Variants in IGF1 observed in about 807,000 individuals in gnomAD.
IGF1 encodes the protein insulin like growth factor 1.
A neutral mutation model predicts 13.8 loss-of-function variants in IGF1; 4 were observed. That is an observed-to-expected ratio of 0.29 (90% CI 0.14 to 0.66). The LOEUF is 0.66. Ranked by LOEUF, IGF1 falls within the 30% of genes least tolerant of loss-of-function variation. The pLI, the probability that IGF1 is intolerant of heterozygous loss-of-function variation, is 0.78. For missense variants in IGF1, 124 were observed against 188.5 expected (o/e 0.66, Z 2.00); for synonymous variants, 76 against 72.6 (o/e 1.05, Z -0.23).
At chr12:102,405,883 T>C (rs180921239) in intron 3 of IGF1, among the ~76,000 whole-genome samples, 34 of 152,370 alleles carry the variant, frequency 2.2e-4, no homozygotes, top group Admixed American at 2.0e-3. Flanking sequence ...TGAGGTTAGA[T>C]TGACCAACCA....
intron 2 of IGF1, among the ~76,000 whole-genome samples, chr12:102,425,942 G>A (rs1260201238): frequency 1.3e-5 from 2 of 152,172 alleles, no homozygotes; most frequent in Admixed American, 1.3e-4. Flanking sequence ...GAAAAATATT[G>A]TCCTAAGGGA....
chr12:102,420,941 A>T (rs1381555413), intron 2 of IGF1, among the ~76,000 whole-genome samples: 1 of 152,212 alleles, frequency 6.6e-6, no homozygotes, highest in Non-Finnish European at 1.5e-5. Context: ...TTCTGTAATA[A>T]TGACACCATT....
At chr12:102,417,394 AT>A (rs1233537643) in intron 3 of IGF1, 1 of 304,524 alleles carries the variant, frequency 3.3e-6, no homozygotes, top group African/African-American at 2.3e-5. Flanking sequence ...CTTGCTGAGC[AT>A]TTGGGGCTAA....
chr12:102,431,848 C>T (rs1876769251), intron 2 of IGF1, among the ~76,000 whole-genome samples: 1 of 152,052 alleles, frequency 6.6e-6, no homozygotes, highest in African/African-American at 2.4e-5. Flanking sequence ...TGGCTTTTTC[C>T]CTTGAGAGAG....
At chr12:102,415,074 A>G (rs149710089) in intron 3 of IGF1, among the ~76,000 whole-genome samples, 1 of 152,358 alleles carries the variant, frequency 6.6e-6, no homozygotes, top group East Asian at 1.9e-4. Flanking sequence ...GAAATTCCAA[A>G]CATACAATAC....
intron 3 of IGF1, among the ~76,000 whole-genome samples, chr12:102,408,902 A>G (rs1269530663): frequency 6.6e-6 from 1 of 152,102 alleles, no homozygotes; most frequent in African/African-American, 2.4e-5. Context: ...GGCTTTGCCT[A>G]TCCTCCCCTA....
chr12:102,470,663 C>T (rs1880631359), intron 2 of IGF1, among the ~76,000 whole-genome samples: 1 of 152,142 alleles, frequency 6.6e-6, no homozygotes, highest in Admixed American at 6.5e-5. Context: ...CCAGCTGTCA[C>T]ACAGATGCAT....
intron 2 of IGF1, among the ~76,000 whole-genome samples, chr12:102,433,152 T>A (rs1876891043): frequency 6.6e-6 from 1 of 152,212 alleles, no homozygotes; most frequent in African/African-American, 2.4e-5. Flanking sequence ...CCTGACAATC[T>A]GCCTTCTCAT....
chr12:102,466,392 G>T (rs1434939839), intron 2 of IGF1, among the ~76,000 whole-genome samples: 1 of 152,158 alleles, frequency 6.6e-6, no homozygotes, highest in African/African-American at 2.4e-5. Context: ...GGCAATGTCT[G>T]CAAACATTCT....
At chr12:102,447,077 G>A (rs1878413239) in intron 2 of IGF1, among the ~76,000 whole-genome samples, 1 of 152,184 alleles carries the variant, frequency 6.6e-6, no homozygotes, top group South Asian at 2.1e-4. Context: ...TGATTGCACT[G>A]TGGTTGGAGA....
intron 2 of IGF1, among the ~76,000 whole-genome samples, chr12:102,462,402 C>G (rs1350768523): frequency 6.6e-6 from 1 of 152,172 alleles, no homozygotes; most frequent in Non-Finnish European, 1.5e-5. Flanking sequence ...CTTTAAAACA[C>G]TAAGTGGCCA....
chr12:102,410,856 G>A (rs921121776), intron 3 of IGF1, among the ~76,000 whole-genome samples: 1 of 152,144 alleles, frequency 6.6e-6, no homozygotes, highest in Non-Finnish European at 1.5e-5. Flanking sequence ...GAACTTTTAG[G>A]ATGAACAAAA....
intron 2 of IGF1, among the ~76,000 whole-genome samples, chr12:102,436,889 C>G (rs569492763): frequency 6.6e-6 from 1 of 152,272 alleles, no homozygotes; most frequent in East Asian, 1.9e-4. Flanking sequence ...GTGTATGAGG[C>G]TTTCATAGCT....
At chr12:102,411,070 C>G (rs545475745) in intron 3 of IGF1, among the ~76,000 whole-genome samples, 97 of 152,284 alleles carry the variant, frequency 6.4e-4, no homozygotes, top group Non-Finnish European at 1.1e-3. Context: ...TCCTAGTGTT[C>G]TTTTGAAGAA....
At chr12:102,448,432 C>T (rs991030827) in intron 2 of IGF1, among the ~76,000 whole-genome samples, 5 of 146,224 alleles carry the variant, frequency 3.4e-5, no homozygotes, top group Non-Finnish European at 4.5e-5. Flanking sequence ...AGTAAACTAT[C>T]GCAAGAACAA....
At chr12:102,453,243 T>C (rs1879115776) in intron 2 of IGF1, among the ~76,000 whole-genome samples, 1 of 152,228 alleles carries the variant, frequency 6.6e-6, no homozygotes, top group Non-Finnish European at 1.5e-5. Context: ...ATTGTGCTTT[T>C]CCAAAGTGTT....
At chr12:102,468,829 T>C (rs1880494514) in intron 2 of IGF1, among the ~76,000 whole-genome samples, 5 of 152,240 alleles carry the variant, frequency 3.3e-5, no homozygotes, top group Admixed American at 2.6e-4. Flanking sequence ...CAGGCTGTTA[T>C]CGAGAACAAT....
chr12:102,467,231 A>G (rs1225208268), intron 2 of IGF1, among the ~76,000 whole-genome samples: 1 of 152,234 alleles, frequency 6.6e-6, no homozygotes, highest in Non-Finnish European at 1.5e-5. Context: ...AAAGTTTAAA[A>G]GGGTCCCTCA....
chr12:102,464,622 A>G (rs1880169269), intron 2 of IGF1, among the ~76,000 whole-genome samples: 1 of 151,826 alleles, frequency 6.6e-6, no homozygotes, highest in Admixed American at 6.6e-5. Context: ...CAACTGCATC[A>G]AATGTTGTGT....
Sources: allele counts gnomAD v4.1 joint callset (sites outside exome capture counted in the v4.1 genomes callset), GRCh38; gene constraint gnomAD v4.1.1; transcripts MANE v1.5; gene names NCBI Gene and HGNC (gene_info 2026-07-23, HGNC 2026-07-21).